TTLL13: variants seen among roughly 807,000 people sequenced by gnomAD.
TTLL13 encodes the protein tubulin tyrosine ligase like 13, also known as tubulin polyglutamylase TTLL13.
the TTLL13 span, chr15:90,264,025 T>C: frequency 6.5e-7 from 1 of 1,535,904 alleles, no homozygotes; most frequent in Non-Finnish European, 8.7e-7. Context: ...TGGGAGGTGC[T>C]ATTTTTCCAG....
At chr15:90,264,235 AGGCTGAAGTACAAT>A in the TTLL13 span, among the ~76,000 whole-genome samples, 1 of 152,186 alleles carries the variant, frequency 6.6e-6, no homozygotes, top group Non-Finnish European at 1.5e-5. Flanking sequence ...TCTGTCGCCA[AGGCTGAAGTACAAT>A]GGCTTGATCT....
chr15:90,264,330 A>G, the TTLL13 span, among the ~76,000 whole-genome samples: 1 of 152,182 alleles, frequency 6.6e-6, no homozygotes, highest in Non-Finnish European at 1.5e-5. Context: ...AGCTGGGACT[A>G]TAGGCACACA....
the TTLL13 span, chr15:90,262,172 G>A: frequency 1.3e-6 from 2 of 1,534,690 alleles, no homozygotes; most frequent in Non-Finnish European, 1.7e-6. Context: ...TGCTTCCAAG[G>A]CCAGAGAGGA....
the TTLL13 span, chr15:90,263,355 G>T: frequency 2.6e-5 from 14 of 530,738 alleles, no homozygotes; most frequent in Non-Finnish European, 2.6e-5. Context: ...ATGACATCCA[G>T]CAAGTTGCAG....
the TTLL13 span, chr15:90,262,901 ATCC>A: frequency 6.1e-6 from 9 of 1,477,892 alleles, no homozygotes; most frequent in Non-Finnish European, 8.1e-6. Flanking sequence ...GCCTGTAGCC[ATCC>A]TGGGTGATGG....
chr15:90,265,443 G>A, the TTLL13 span: 2 of 1,327,998 alleles, frequency 1.5e-6, no homozygotes, highest in Non-Finnish European at 1.9e-6. Flanking sequence ...CTTGGAAACG[G>A]AATCCGTACT....
chr15:90,252,523 T>C, the TTLL13 span, among the ~76,000 whole-genome samples: 1 of 152,108 alleles, frequency 6.6e-6, no homozygotes, highest in Non-Finnish European at 1.5e-5. Flanking sequence ...TAAAACAGTT[T>C]TTTCAAGGAA....
chr15:90,254,491 T>TCAGGGAAGGGGG, the TTLL13 span, among the ~76,000 whole-genome samples: 1 of 84,200 alleles, frequency 1.2e-5, no homozygotes, highest in African/African-American at 4.3e-5. Flanking sequence ...AGACTCCATC[T>TCAGGGAAGGGGG]AAAAAAAAAA....
At chr15:90,265,208 T>A in the TTLL13 span, 1 of 1,357,822 alleles carries the variant, frequency 7.4e-7, no homozygotes, top group South Asian at 1.6e-5. Context: ...TACTCATTTC[T>A]GCTCATCAAG....
chr15:90,265,303 C>A, the TTLL13 span: 1 of 1,215,052 alleles, frequency 8.2e-7, no homozygotes, highest in Non-Finnish European at 1.0e-6. Context: ...ACAATGAGCC[C>A]CTTTCCCAGA....
the TTLL13 span, chr15:90,257,526 G>T: frequency 9.3e-7 from 1 of 1,079,842 alleles, no homozygotes; most frequent in East Asian, 2.5e-5. Flanking sequence ...GGTGGAGAGA[G>T]ACAGGAGACG....
chr15:90,260,988 T>C, the TTLL13 span, among the ~76,000 whole-genome samples: 1 of 152,072 alleles, frequency 6.6e-6, no homozygotes, highest in African/African-American at 2.4e-5. Context: ...ATAATCAACA[T>C]GCTAATTGCA....
At chr15:90,259,187 C>G in the TTLL13 span, 1 of 538,460 alleles carries the variant, frequency 1.9e-6, no homozygotes, top group South Asian at 2.1e-5. Flanking sequence ...ACATGTGAGA[C>G]TCTGTCCCTA....
At chr15:90,259,989 C>T in the TTLL13 span, among the ~76,000 whole-genome samples, 1 of 152,140 alleles carries the variant, frequency 6.6e-6, no homozygotes, top group Non-Finnish European at 1.5e-5. Flanking sequence ...TGATTCCCCA[C>T]GAGAGCCACA....
the TTLL13 span, among the ~76,000 whole-genome samples, chr15:90,249,975 A>G: frequency 6.6e-6 from 1 of 151,798 alleles, no homozygotes; most frequent in Non-Finnish European, 1.5e-5. Flanking sequence ...TTATTTATTT[A>G]GAGACAGACT....
At chr15:90,259,315 A>G in the TTLL13 span, among the ~76,000 whole-genome samples, 1 of 152,062 alleles carries the variant, frequency 6.6e-6, no homozygotes, top group African/African-American at 2.4e-5. Flanking sequence ...ACTTGAGCCC[A>G]GGAGGTCAAG....
At chr15:90,251,720 C>A in the TTLL13 span, 2 of 927,244 alleles carry the variant, frequency 2.2e-6, no homozygotes, top group Non-Finnish European at 3.5e-6. Flanking sequence ...TGCCTCTAAC[C>A]TGTACTGAGC....
At chr15:90,256,598 TTTCTTTCTTTCCTTCC>T in the TTLL13 span, among the ~76,000 whole-genome samples, 108 of 31,296 alleles carry the variant, frequency 3.5e-3, no homozygotes, top group East Asian at 0.067. Context: ...TCTTTCTTTC[TTTCTTTCTTTCCTTCC>T]TTCCTTCCTT....
the TTLL13 span, chr15:90,257,996 T>G: frequency 6.9e-6 from 11 of 1,588,024 alleles, no homozygotes; most frequent in African/African-American, 2.7e-5. Context: ...CCTGGCCCAG[T>G]GGCCTAGAAA....
Sources: gnomAD v4.1 joint callset for allele counts (sites outside exome capture counted in the v4.1 genomes callset) on GRCh38, gnomAD v4.1.1 for gene constraint, MANE v1.5 for transcripts, NCBI Gene and HGNC (gene_info 2026-07-23, HGNC 2026-07-21) for gene names.